NWD1: variants seen among roughly 807,000 people sequenced by gnomAD.
NWD1 encodes the protein NACHT and WD repeat domain containing 1, also known as NACHT domain- and WD repeat-containing protein 1.
In NWD1, 129 loss-of-function variants were observed where a neutral mutation model predicts 135.1. The ratio of observed to expected loss-of-function variants is 0.96; its 90% CI spans 0.83 to 1.11. NWD1 has a LOEUF of 1.11. Among genes scored for constraint, NWD1 ranks in the 50% least tolerant of loss-of-function variants. The pLI is 0.00. For synonymous variants in NWD1, 773 were observed against 786.0 expected, an observed-to-expected ratio of 0.98 and a Z score of 0.28; for missense variants, 1,740 against 1,851.3, an observed-to-expected ratio of 0.94 and a Z score of 1.10.
Position 16,807,940 on chromosome 19 carries a change from A to G in NWD1, c.4091A>G (p.Tyr1364Cys), listed in dbSNP as rs1970805319. The G allele has an allele frequency of 6.2e-7, 1 of 1,614,092 alleles. No individual in the cohort carries two copies. The highest frequency in any genetic ancestry group is 1.3e-5 in the African/African-American group (1 of 75,038). The change falls in exon 18 of 19, where the codon TAC becomes TGC. Residue 1364 changes from tyrosine (Y) to cysteine (C), a missense_variant. Transcript: ENST00000524140. ...VAILTDYRVV[Y>C]SMTNGDLFLY... ...ATTCTGACGGACTACCGCGTGGTCT[A>G]CAGCATGACCAATGGGGACCTCTTT... is the stretch of plus-strand genomic sequence containing the variant.
At chr19:16,809,835 T>G (rs536750226) in intron 18 of NWD1, among the ~76,000 whole-genome samples, 21 of 152,062 alleles carry the variant, frequency 1.4e-4, no homozygotes, top group Admixed American at 2.6e-4. Context: ...GGGATTACAG[T>G]CATGAGCCAC....
intron 3 of NWD1, among the ~76,000 whole-genome samples, chr19:16,734,763 T>TATTTATTG (rs1441504452): frequency 2.0e-5 from 3 of 150,760 alleles, no homozygotes; most frequent in Non-Finnish European, 4.4e-5. Context: ...TTTATTTATT[T>TATTTATTG]ATTGTAGACA....
rs2122991583 is a variant in NWD1 at position 16,779,364 on chromosome 19, G to T, written c.2630G>T (p.Gly877Val). The T allele has an allele frequency of 1.9e-6, 3 of 1,613,972 alleles. No homozygotes were observed. Among genetic ancestry groups the T allele is most frequent in the Admixed American group, 1.7e-5 (1 of 59,984 alleles). ...GCAGGCATCACCGCCATGGCATGGGGTGTGGAGGAGAAGCTGCTGGTGATT... is the reference window on the plus strand; with the variant it reads ...GCAGGCATCACCGCCATGGCATGGGTTGTGGAGGAGAAGCTGCTGGTGATT... ...CHKGITAMAWGVEEKLLVIGT... is the reference protein window; with the variant it reads ...CHKGITAMAWVVEEKLLVIGT... Residue 877 changes from glycine (G) to valine (V), a missense_variant, in exon 12 of 19, where the codon GGT becomes GTT. Gly to Val is a moderately radical substitution (Grantham distance 109). Coordinates refer to ENST00000524140, the MANE Select transcript of NWD1 (RefSeq NM_001007525.5).
intron 3 of NWD1, among the ~76,000 whole-genome samples, chr19:16,732,939 A>T (rs1967639966): frequency 6.6e-6 from 1 of 152,122 alleles, no homozygotes; most frequent in African/African-American, 2.4e-5. Context: ...TTAAAAGATG[A>T]GGCCGGGCAC....
chr19:16,793,571 T>C (rs753313970), intron 14 of NWD1, among the ~76,000 whole-genome samples: 21 of 111,344 alleles, frequency 1.9e-4, no homozygotes, highest in Non-Finnish European at 3.9e-4. Flanking sequence ...TTTTGTTTTT[T>C]GGTTTTTGGT....
At chr19:16,765,421 A>G (rs1172825718) in intron 10 of NWD1, among the ~76,000 whole-genome samples, 1 of 151,676 alleles carries the variant, frequency 6.6e-6, no homozygotes, top group Non-Finnish European at 1.5e-5. Context: ...GTAGCCTCAG[A>G]CTCCTGGGTT....
intron 5 of NWD1, chr19:16,745,228 A>G: frequency 2.7e-6 from 1 of 367,714 alleles, no homozygotes; most frequent in South Asian, 2.0e-5. Context: ...CACTACCACG[A>G]GAACAGTATG....
chr19:16,750,884 C>T (rs959680686), intron 6 of NWD1, among the ~76,000 whole-genome samples: 6 of 151,982 alleles, frequency 3.9e-5, no homozygotes, highest in Admixed American at 3.3e-4. Flanking sequence ...GAAAGGACTG[C>T]CTACATGGTT....
chr19:16,755,313 T>C (rs1209222237), intron 6 of NWD1, among the ~76,000 whole-genome samples: 1 of 152,070 alleles, frequency 6.6e-6, no homozygotes, highest in Non-Finnish European at 1.5e-5. Flanking sequence ...CTTCTTGGGC[T>C]CAAGCGATCC....
At chr19:16,757,428 C>T (rs902755168) in intron 6 of NWD1, among the ~76,000 whole-genome samples, 3 of 152,162 alleles carry the variant, frequency 2.0e-5, no homozygotes, top group South Asian at 2.1e-4. Flanking sequence ...AGATCATACT[C>T]GCCAGAATAA....
intron 4 of NWD1, among the ~76,000 whole-genome samples, chr19:16,744,165 G>T (rs1599450222): frequency 6.6e-6 from 1 of 152,146 alleles, no homozygotes. Context: ...GAGATGAGAG[G>T]ATCCCTTGAG....
At chr19:16,812,683 C>G (rs773894) in intron 18 of NWD1, 343,177 of 775,918 alleles carry the variant, frequency 0.44, 78,121 homozygotes, top group African/African-American at 0.64. Context: ...AACAAACAAA[C>G]AAACAAACAA....
chr19:16,766,080 AC>A (rs1969215158), intron 10 of NWD1, among the ~76,000 whole-genome samples: 1 of 151,966 alleles, frequency 6.6e-6, no homozygotes, highest in Non-Finnish European at 1.5e-5. Flanking sequence ...TTTCGAGAAA[AC>A]TCGAGGAAAT....
chr19:16,750,523 T>C, intron 6 of NWD1, 112 bp downstream of exon 6: 3 of 802,158 alleles, frequency 3.7e-6, no homozygotes, highest in Non-Finnish European at 5.6e-6. Flanking sequence ...GGTGTGATCA[T>C]AGCTCACTGC....
rs764751170 is a variant in NWD1 at position 16,744,708 on chromosome 19, C to T, written c.486C>T (p.Tyr162=). The T allele has an allele frequency of 4.5e-5, 69 of 1,535,798 alleles. No homozygotes were observed. Among genetic ancestry groups the T allele is most frequent in the Non-Finnish European group, 5.4e-5 (62 of 1,146,776 alleles). Residue 162 remains tyrosine (Y), a synonymous_variant, in exon 5 of 19, where the codon TAC becomes TAT. Coordinates refer to ENST00000524140, the MANE Select transcript of NWD1 (RefSeq NM_001007525.5). ...GLITQEQWQH[Y]HRSVIEWEIE... is the part of the protein sequence containing the mutation. ...TCACCCAGGAGCAGTGGCAGCACTA[C>T]CACCGGTCAGGTGAGGCCGCAGGGA...
At chr19:16,786,736 G>A (rs185005099) in intron 12 of NWD1, among the ~76,000 whole-genome samples, 2 of 151,800 alleles carry the variant, frequency 1.3e-5, no homozygotes, top group South Asian at 2.1e-4. Context: ...TAGTAGAGAC[G>A]GGGTTTTGCC....
intron 3 of NWD1, among the ~76,000 whole-genome samples, chr19:16,734,491 C>A (rs368830699): frequency 8.7e-5 from 13 of 149,930 alleles, no homozygotes; most frequent in African/African-American, 2.5e-4. Flanking sequence ...GCCAAGATTG[C>A]GCCACTGCAC....
rs997782609 is a variant in NWD1, at chr19:16,800,229, T to A, written c.3736+67T>A. On this transcript the variant is annotated intron_variant, in intron 17 of 18. Coordinates refer to ENST00000524140, the MANE Select transcript of NWD1 (RefSeq NM_001007525.5). ...TGGAGCCATCTGTCTTAGTTTAGGC[T>A]ACTGTAACAAATCATCCCCACAGGC... The A allele has an allele frequency of 4.2e-6, 6 of 1,437,466 alleles. No individual in the cohort carries two copies. The African/African-American group carries it at 7.1e-5, about 17-fold the overall frequency. 89.0% of individuals were successfully genotyped at this position (1,437,466 alleles called of 1,614,324 possible). A position where few individuals can be genotyped will look rare whatever the true frequency, so the allele number is the denominator to read the frequency against.
At chr19:16,794,433 T>C (rs781133880) in intron 14 of NWD1, 30 bp from the exon 15 acceptor site, 2 of 1,332,114 alleles carry the variant, frequency 1.5e-6, no homozygotes, top group Non-Finnish European at 2.2e-6. Flanking sequence ...CCCGTGGAAG[T>C]GCCTGACAGG....
Sources: gnomAD v4.1 joint callset for allele counts (sites outside exome capture counted in the v4.1 genomes callset) on GRCh38, gnomAD v4.1.1 for gene constraint, MANE v1.5 for transcripts, NCBI Gene and HGNC (gene_info 2026-07-23, HGNC 2026-07-21) for gene names.